The following MAP3K7 variants were observed in gnomAD, a reference collection of about 807,000 sequenced individuals.
MAP3K7 encodes mitogen-activated protein kinase kinase kinase 7, also known as TGF-beta activated kinase 1.
A neutral mutation model predicts 84.8 loss-of-function variants in MAP3K7; 21 were observed. The ratio of observed to expected loss-of-function variants is 0.25; its 90% CI spans 0.18 to 0.36. The LOEUF is 0.36. Among genes scored for constraint, MAP3K7 ranks in the 10% least tolerant of loss-of-function variants. The probability of loss-of-function intolerance (pLI) is 1.00; values close to 1 mark genes in which losing one functional copy is unlikely to be tolerated. For missense variants in MAP3K7, 503 were observed against 747.7 expected (o/e 0.67, Z 3.82); for synonymous variants, 241 against 247.7 (o/e 0.97, Z 0.25).
chr6:90,550,651 G>A (rs1776152246), intron 8 of MAP3K7, 102 bp from the exon 9 acceptor site: 3 of 665,630 alleles, frequency 4.5e-6, no homozygotes, highest in African/African-American at 1.8e-5. Flanking sequence ...ATTTGTAGGT[G>A]CCTAAGTTTT....
intron 1 of MAP3K7, among the ~76,000 whole-genome samples, chr6:90,580,975 A>C (rs1777251082): frequency 6.6e-6 from 1 of 152,346 alleles, no homozygotes; most frequent in African/African-American, 2.4e-5. Context: ...AATTAAGTAG[A>C]TTTAAATTTA....
At chr6:90,534,638 C>T (rs770900578) in intron 13 of MAP3K7, among the ~76,000 whole-genome samples, 6 of 152,114 alleles carry the variant, frequency 3.9e-5, no homozygotes, top group South Asian at 2.1e-4. Context: ...AGGGTAACAA[C>T]GAAAATCTCA....
At chr6:90,552,856 A>G (rs1198705826) in intron 7 of MAP3K7, among the ~76,000 whole-genome samples, 1 of 152,242 alleles carries the variant, frequency 6.6e-6, no homozygotes, top group African/African-American at 2.4e-5. Context: ...TGAGCATTCA[A>G]GTCAGAAGCA....
rs780063401 is a variant in MAP3K7 at position 90,571,829 on chromosome 6, AAAAC to A, written c.121-26_121-23del. 4.1e-5 allele frequency: 56 copies of A among 1,382,714 alleles called. 3 individuals carry two copies. The South Asian group carries it at 4.7e-4, about 12-fold the overall frequency. 85.7% of individuals were successfully genotyped at this position (1,382,714 alleles called of 1,614,324 possible). A position where few individuals can be genotyped will look rare whatever the true frequency, so the allele number is the denominator to read the frequency against. On this transcript the variant is annotated intron_variant, in intron 1 of 16. Transcript: ENST00000369329. ...CAACCTGAGTTAAACAAACAAACAAAAAACAAACAAAAAACACCACAAGAATCGG... is the reference window on the plus strand; with the variant it reads ...CAACCTGAGTTAAACAAACAAACAAAAAACAAAAAACACCACAAGAATCGG...
rs1051944258 is a variant in MAP3K7, at chr6:90,587,024, G to C, written c.-141C>G. On this transcript the variant is annotated 5_prime_UTR_variant, in exon 1 of 17. Coordinates refer to ENST00000369329, the MANE Select transcript of MAP3K7 (RefSeq NM_145331.3). ...CCCGGCGATCCGTGGCGGGGGTAGA[G>C]GCAGCGGCCACAGCCGTGTCCGGCT... 1.9e-5 allele frequency: 20 copies of C among 1,047,458 alleles called. No homozygotes were observed. The highest frequency in any genetic ancestry group is 2.4e-5 in the Non-Finnish European group (19 of 776,974). The allele number at this position is 1,047,458 out of a possible 1,614,324, so 64.9% of individuals were successfully genotyped here.
chr6:90,536,387 T>C lies in MAP3K7; in HGVS notation c.1306A>G (p.Arg436Gly). The change falls in exon 13 of 17, where the codon AGA becomes GGA. Residue 436 changes from arginine (R) to glycine (G), a missense_variant. Transcript: ENST00000369329. ...EIVISGNGQP[R>G]RRSIQDLTVT... ...GTCAAGTCTTGGATGGATCTACGTC[T>C]TGGCTGTCCGTTGCCTTTAAAAAGA... The C allele has an allele frequency of 3.1e-6, 5 of 1,612,066 alleles. No homozygotes were observed. The South Asian group carries it at 4.4e-5, about 14-fold the overall frequency.
At chr6:90,561,792 T>C (rs1210689183) in intron 3 of MAP3K7, 125 bp from the exon 4 acceptor site, 1 of 718,378 alleles carries the variant, frequency 1.4e-6, no homozygotes, top group Non-Finnish European at 2.5e-6. Flanking sequence ...TGGCCCCTAC[T>C]ATGTGAATAG....
At chr6:90,524,382 C>A (rs982798860) in intron 13 of MAP3K7, among the ~76,000 whole-genome samples, 1 of 152,118 alleles carries the variant, frequency 6.6e-6, no homozygotes, top group African/African-American at 2.4e-5. Context: ...CAAATTCCAA[C>A]CACAACAAAT....
chr6:90,536,630 A>G, intron 12 of MAP3K7: 1 of 502,900 alleles, frequency 2.0e-6, no homozygotes, highest in African/African-American at 1.9e-5. Context: ...CTGGCCTACA[A>G]CAGAGTATGT....
chr6:90,516,385 T>G lies in MAP3K7; in HGVS notation c.*116A>C. Reference sequence around the variant, plus strand: ...AAAAAAATGCAGCAAATATAGGCAGTTGGCATTCAGAACACGCCAAAAAGC... The same window carrying G: ...AAAAAAATGCAGCAAATATAGGCAGGTGGCATTCAGAACACGCCAAAAAGC... On this transcript the variant is annotated 3_prime_UTR_variant, in exon 17 of 17. Transcript: ENST00000369329. The G allele has an allele frequency of 1.0e-6, 1 of 989,328 alleles. No homozygotes were observed. The highest frequency in any genetic ancestry group is 1.5e-6 in the Non-Finnish European group (1 of 646,564). The allele number at this position is 989,328 out of a possible 1,614,324, so 61.3% of individuals were successfully genotyped here.
intron 4 of MAP3K7, 138 bp downstream of exon 4, chr6:90,561,484 T>G: frequency 1.8e-6 from 1 of 548,608 alleles, no homozygotes; most frequent in Non-Finnish European, 3.2e-6. Flanking sequence ...ATTTTTATTC[T>G]TAGCAGATTT....
chr6:90,567,838 A>G (rs1776762062), intron 3 of MAP3K7, among the ~76,000 whole-genome samples: 2 of 152,228 alleles, frequency 1.3e-5, no homozygotes, highest in Non-Finnish European at 2.9e-5. Context: ...GATAGACTGG[A>G]TTAAGAAATT....
At chr6:90,567,042 T>C (rs969099791) in intron 3 of MAP3K7, among the ~76,000 whole-genome samples, 51 of 151,468 alleles carry the variant, frequency 3.4e-4, no homozygotes, top group African/African-American at 1.1e-3. Context: ...CCCTTCCTTA[T>C]ACCTTATACA....
rs1776798392 is a variant in MAP3K7 at position 90,568,686 on chromosome 6, T to C, written c.232-63A>G. On this transcript the variant is annotated intron_variant, in intron 2 of 16. Transcript: ENST00000369329. ...CTTTTGAAGTACTGATTTCACAGTA[T>C]CATTAAAATCTTACTGTTGTACAAA... 6.8e-6 allele frequency: 8 copies of C among 1,179,768 alleles called. No homozygotes were observed. In the South Asian group the frequency reaches 1.1e-4, roughly 16 times the overall value. The allele number at this position is 1,179,768 out of a possible 1,614,324, so 73.1% of individuals were successfully genotyped here.
rs1461591342 is a variant in MAP3K7 at position 90,528,120 on chromosome 6, C to T, written c.1357-4337G>A. Reference sequence around the variant, plus strand: ...GTCTCGATCTCCTGACCTCGTGATCCGCCCGCCTCGGCCTCCCAAAGTGCT... The same window carrying T: ...GTCTCGATCTCCTGACCTCGTGATCTGCCCGCCTCGGCCTCCCAAAGTGCT... On this transcript the variant is annotated intron_variant, in intron 13 of 16. Transcript: ENST00000369329. 1.4e-4 allele frequency among the ~76,000 whole-genome samples: 2 copies of T among 13,938 alleles called. 1 individual carries two copies. 9.1% of individuals were successfully genotyped at this position (13,938 alleles called of 152,430 possible). A position where few individuals can be genotyped will look rare whatever the true frequency, so the allele number is the denominator to read the frequency against.
intron 1 of MAP3K7, among the ~76,000 whole-genome samples, chr6:90,584,043 AATT>A (rs1177303688): frequency 2.0e-5 from 3 of 152,166 alleles, no homozygotes; most frequent in African/African-American, 4.8e-5. Context: ...CCTGTAGTTG[AATT>A]ATTATTTTTT....
rs191940557 is a variant in MAP3K7 at position 90,513,610 on chromosome 6, C to T, written c.*2891G>A. On this transcript the variant is annotated 3_prime_UTR_variant, in exon 17 of 17. Coordinates refer to ENST00000369329, the MANE Select transcript of MAP3K7 (RefSeq NM_145331.3). ...ATAGGAATCTGAATTTTATTAAAAA[C>T]AAAAATAAATCTAAAAAGCTTCCTT... 6.6e-6 allele frequency: 1 copy of T among 152,208 alleles called. No individual in the cohort carries two copies. Among genetic ancestry groups the T allele is most frequent in the African/African-American group, 2.4e-5 (1 of 41,554 alleles). The allele number at this position is 152,208 out of a possible 1,614,324, so 9.4% of individuals were successfully genotyped here.
In MAP3K7 at chr6:90,561,681, A is replaced by G. The variant is rs374257496; in HGVS notation, c.298-14T>C. ...CACAAGACACACCTAAAGGAAACATATATCAGAAGCATTAACCAAGAAGCT... is the reference window on the plus strand; with the variant it reads ...CACAAGACACACCTAAAGGAAACATGTATCAGAAGCATTAACCAAGAAGCT... On this transcript the variant is annotated splice_polypyrimidine_tract_variant and intron_variant, in intron 3 of 16. Transcript: ENST00000369329. 31 of 1,603,840 alleles carry G rather than the reference A, an allele frequency of 1.9e-5. 1 individual carries two copies. The South Asian group carries it at 2.1e-4, about 11-fold the overall frequency.
chr6:90,559,278 G>A (rs1776431798), intron 5 of MAP3K7, among the ~76,000 whole-genome samples: 1 of 151,996 alleles, frequency 6.6e-6, no homozygotes, highest in African/African-American at 2.4e-5. Flanking sequence ...CAGAAGGGAT[G>A]TTTTAATGCT....
Sources: gnomAD v4.1 joint callset for allele counts (sites outside exome capture counted in the v4.1 genomes callset) on GRCh38, gnomAD v4.1.1 for gene constraint, MANE v1.5 for transcripts, NCBI Gene and HGNC (gene_info 2026-07-23, HGNC 2026-07-21) for gene names.